The following DNAH10 variants were observed in gnomAD, a reference collection of about 807,000 sequenced individuals.
DNAH10 encodes dynein axonemal heavy chain 10, also known as axonemal beta dynein heavy chain 10.
In DNAH10, 348 loss-of-function variants were observed where a neutral mutation model predicts 506.6. That is an observed-to-expected ratio of 0.69 (90% CI 0.63 to 0.75). The LOEUF is 0.75. Ranked by LOEUF, DNAH10 falls within the 30% of genes least tolerant of loss-of-function variation. The pLI is 0.00. For synonymous variants in DNAH10, 2,059 were observed against 2,198.6 expected (o/e 0.94, Z 1.78); for missense variants, 5,179 against 5,787.1 (o/e 0.89, Z 3.41).
At chr12:123,771,893 A>G (rs933189371) in intron 3 of DNAH10, among the ~76,000 whole-genome samples, 195 bp downstream of exon 3, 1 of 152,220 alleles carries the variant, frequency 6.6e-6, no homozygotes, top group African/African-American at 2.4e-5. Flanking sequence ...TTATATTCAT[A>G]GTTATAGTTT....
rs919708685 is a variant in DNAH10 at position 123,762,754 on chromosome 12, C to T, written c.214+204C>T. On this transcript the variant is annotated intron_variant, in intron 1 of 78. Coordinates refer to ENST00000673944, the MANE Select transcript of DNAH10 (RefSeq NM_001372106.1). This position sits in a 1 kb window ranked among gnomAD's most constrained non-coding sequence, Gnocchi z 5.0. Reference sequence around the variant, plus strand: ...CCTGCCCTCCTGGGCCCACAGCCCACTTGAAAGTCAGGCCTTGATTGAAAA... The same window carrying T: ...CCTGCCCTCCTGGGCCCACAGCCCATTTGAAAGTCAGGCCTTGATTGAAAA... Among the ~76,000 whole-genome samples, 3 of 152,256 alleles carry T rather than the reference C, an allele frequency of 2.0e-5. No individual in the cohort carries two copies. The highest frequency in any genetic ancestry group is 7.2e-5 in the African/African-American group (3 of 41,478).
rs1957463825 is a variant in DNAH10, at chr12:123,776,949, A to C, written c.621+2685A>C. Among the ~76,000 whole-genome samples the C allele has an allele frequency of 2.6e-5, 4 of 152,206 alleles. No homozygotes were observed. In the South Asian group the frequency reaches 8.3e-4, roughly 32 times the overall value. Reference sequence around the variant, plus strand: ...GCAACAAGAGTTAGGGAGAAAAATGAAGCCAGATAGGAAAGAAAAAGGAAA... The same window carrying C: ...GCAACAAGAGTTAGGGAGAAAAATGCAGCCAGATAGGAAAGAAAAAGGAAA... On this transcript the variant is annotated intron_variant, in intron 5 of 78. Coordinates refer to ENST00000673944, the MANE Select transcript of DNAH10 (RefSeq NM_001372106.1).
chr12:123,875,172 C>T lies in DNAH10; in HGVS notation c.7939-59C>T, dbSNP rs1327811861. ...TTGAGCTGGGATGGTCAGCCAACGCCTCTCTGACTCCTACTTTGCGATACT... is the reference window on the plus strand; with the variant it reads ...TTGAGCTGGGATGGTCAGCCAACGCTTCTCTGACTCCTACTTTGCGATACT... On this transcript the variant is annotated intron_variant, in intron 46 of 78. Transcript: ENST00000673944. The T allele has an allele frequency of 2.0e-6, 3 of 1,537,528 alleles. No individual in the cohort carries two copies. In the African/African-American group the frequency reaches 4.1e-5, roughly 21 times the overall value.
chr12:123,899,643 A>T (rs1953426233), intron 56 of DNAH10, among the ~76,000 whole-genome samples: 1 of 152,172 alleles, frequency 6.6e-6, no homozygotes, highest in Non-Finnish European at 1.5e-5. Flanking sequence ...ACCCTGACAG[A>T]CCAATTAGAT....
chr12:123,847,658 C>T (rs1297435247), intron 32 of DNAH10, among the ~76,000 whole-genome samples: 1 of 152,172 alleles, frequency 6.6e-6, no homozygotes, highest in Non-Finnish European at 1.5e-5. Flanking sequence ...ACCAATGTAA[C>T]CTCCCTCCAT....
At chr12:123,838,411 C>T in intron 28 of DNAH10, 45 bp from the exon 29 acceptor site, 1 of 1,550,410 alleles carries the variant, frequency 6.4e-7, no homozygotes, top group Non-Finnish European at 8.8e-7. Flanking sequence ...TGTCTCCGCT[C>T]TCCCTGCTCA....
At chr12:123,809,153 G>A (rs566410536) in intron 19 of DNAH10, among the ~76,000 whole-genome samples, 200 bp downstream of exon 19, 1 of 152,064 alleles carries the variant, frequency 6.6e-6, no homozygotes, top group African/African-American at 2.4e-5. Flanking sequence ...CCAGAAACTC[G>A]TCCTTGTTTC....
chr12:123,786,339 AT>A lies in DNAH10; in HGVS notation c.1421+417del, dbSNP rs528766304. Among the ~76,000 whole-genome samples the A allele has an allele frequency of 3.8e-3, 526 of 138,408 alleles. 3 individuals are homozygous for A. In the South Asian group the frequency reaches 0.044, roughly 12 times the overall value. 90.8% of individuals were successfully genotyped at this position (138,408 alleles called of 152,430 possible). ...CTCAAAAAAAAAAAAAGTACAATTC[AT>A]TTTTTTTTTTTTTAGTATATTCACA... is the stretch of plus-strand genomic sequence containing the variant. On this transcript the variant is annotated intron_variant, in intron 9 of 78. Coordinates refer to ENST00000673944, the MANE Select transcript of DNAH10 (RefSeq NM_001372106.1).
chr12:123,871,648 A>G (rs1301873622), intron 45 of DNAH10, 46 bp downstream of exon 45: 3 of 1,532,818 alleles, frequency 2.0e-6, no homozygotes, highest in Non-Finnish European at 2.6e-6. Flanking sequence ...GTAACAAATT[A>G]TTCCAGTGCA....
chr12:123,801,142 TG>T, intron 15 of DNAH10, 138 bp from the exon 16 acceptor site: 1 of 815,274 alleles, frequency 1.2e-6, no homozygotes. Context: ...AGAAGAGTGA[TG>T]TTTTAAATTT....
At chr12:123,870,333 G>A (rs1402871352) in intron 43 of DNAH10, 33 bp from the exon 44 acceptor site, 2 of 1,603,016 alleles carry the variant, frequency 1.2e-6, no homozygotes, top group Admixed American at 1.7e-5. Context: ...CCGTGTTTAT[G>A]ATTCAAGTGA....
Position 123,893,182 on chromosome 12 carries a change from G to A in DNAH10, c.8996-51G>A, listed in dbSNP as rs78735013. On this transcript the variant is annotated intron_variant, in intron 52 of 78. Coordinates refer to ENST00000673944, the MANE Select transcript of DNAH10 (RefSeq NM_001372106.1). ...CCATCACTCAGTCAGCACTTAGAGC[G>A]GTCATGACCCTGGGACTCAGAGAGA... 86 of 1,560,540 alleles carry A rather than the reference G, an allele frequency of 5.5e-5. No individual in the cohort carries two copies. In the East Asian group the frequency reaches 1.6e-3, roughly 30 times the overall value.
intron 16 of DNAH10, among the ~76,000 whole-genome samples, chr12:123,802,006 CT>C (rs1226393106): frequency 2.6e-5 from 4 of 152,118 alleles, no homozygotes; most frequent in Admixed American, 2.0e-4. Context: ...ACACATAGCC[CT>C]TTTTTGATTT....
rs558531594 is a variant in DNAH10, at chr12:123,820,565, G to T, written c.4001-15G>T. 1.7e-4 allele frequency: 279 copies of T among 1,610,884 alleles called. 1 individual carries two copies. In the South Asian group the frequency reaches 2.9e-3, roughly 17 times the overall value. On this transcript the variant is annotated splice_polypyrimidine_tract_variant and intron_variant, in intron 23 of 78. Transcript: ENST00000673944. ...AAATTGTATTTATTCACTCATCGGTGTATTTATTTACTAGGAGTAGAGCTT... is the reference window on the plus strand; with the variant it reads ...AAATTGTATTTATTCACTCATCGGTTTATTTATTTACTAGGAGTAGAGCTT...
At chr12:123,773,321 T>C (rs562506392) in intron 4 of DNAH10, among the ~76,000 whole-genome samples, 41 of 152,370 alleles carry the variant, frequency 2.7e-4, no homozygotes, top group African/African-American at 9.6e-4. Flanking sequence ...TTTGGTCAGG[T>C]AGAGCAAATA....
chr12:123,896,735 A>G (rs1013979544), intron 54 of DNAH10, among the ~76,000 whole-genome samples: 7 of 152,084 alleles, frequency 4.6e-5, no homozygotes, highest in East Asian at 3.9e-4. Context: ...AAAAAAAAAA[A>G]AAGAAGGATT....
intron 42 of DNAH10, 130 bp downstream of exon 42, chr12:123,867,731 C>G (rs796766914): frequency 1.4e-6 from 2 of 1,418,452 alleles, no homozygotes; most frequent in South Asian, 1.4e-5. Context: ...CCAAGGCGGG[C>G]GCCGTGCTTG....
intron 25 of DNAH10, 28 bp from the exon 26 acceptor site, chr12:123,830,518 A>G (rs1349287242): frequency 6.2e-7 from 1 of 1,600,730 alleles, no homozygotes; most frequent in Admixed American, 1.7e-5. Context: ...CAGTAAGCAT[A>G]AAGATTTGAA....
Position 123,846,940 on chromosome 12 carries a change from C to T in DNAH10, c.5814+786C>T, listed in dbSNP as rs1267056665. On this transcript the variant is annotated intron_variant, in intron 32 of 78. Coordinates refer to ENST00000673944, the MANE Select transcript of DNAH10 (RefSeq NM_001372106.1). The surrounding 1 kb of genome is among the most constrained non-coding windows in gnomAD (Gnocchi z 4.5). Reference sequence around the variant, plus strand: ...AATGAGTGAGAACAGGAAGCCCCTGCTGCCTCCTGTGCTGTGAGTGATAAA... The same window carrying T: ...AATGAGTGAGAACAGGAAGCCCCTGTTGCCTCCTGTGCTGTGAGTGATAAA... Among the ~76,000 whole-genome samples, 2 of 152,176 alleles carry T rather than the reference C, an allele frequency of 1.3e-5. No homozygotes were observed. The highest frequency in any genetic ancestry group is 2.4e-5 in the African/African-American group (1 of 41,430).
Sources: gnomAD v4.1 joint callset for allele counts (sites outside exome capture counted in the v4.1 genomes callset) on GRCh38, gnomAD v4.1.1 for gene constraint, Gnocchi (gnomAD v3.1) non-coding constraint, MANE v1.5 for transcripts, NCBI Gene and HGNC (gene_info 2026-07-23, HGNC 2026-07-21) for gene names.